CSMD1: variants seen among roughly 807,000 people sequenced by gnomAD.
The protein encoded by CSMD1 is CUB and Sushi multiple domains 1.
Under a neutral mutation model 417.5 loss-of-function variants are expected in CSMD1, and 213 were observed. The observed-to-expected ratio is 0.51, with a 90% confidence interval of 0.46 to 0.57. The LOEUF (loss-of-function observed/expected upper bound fraction) is 0.57, where lower values mean the gene tolerates loss of function less well. Among genes scored for constraint, CSMD1 ranks in the 20% least tolerant of loss-of-function variants. CSMD1 has a pLI of 0.00. For missense variants in CSMD1, 6,923 were observed against 4,529.7 expected, an observed-to-expected ratio of 1.53 and a Z score of -15.17; for synonymous variants, 2,862 against 1,736.8, an observed-to-expected ratio of 1.65 and a Z score of -16.11.
At chr8:4,954,702 A>G (rs1808973141) in intron 1 of CSMD1, among the ~76,000 whole-genome samples, 1 of 152,202 alleles carries the variant, frequency 6.6e-6, no homozygotes, top group Non-Finnish European at 1.5e-5. Flanking sequence ...GCTATCATAA[A>G]CTACATAAGC....
intron 3 of CSMD1, among the ~76,000 whole-genome samples, chr8:4,179,973 G>A (rs1308811663): frequency 2.6e-5 from 4 of 152,176 alleles, no homozygotes; most frequent in African/African-American, 7.2e-5. Context: ...CTTTTACACT[G>A]TTAGTGGGAC....
chr8:3,407,478 T>G (rs747358117), intron 14 of CSMD1, among the ~76,000 whole-genome samples: 2 of 151,608 alleles, frequency 1.3e-5, no homozygotes, highest in African/African-American at 4.9e-5. Context: ...GATGGATAGA[T>G]GCATGGATGG....
At chr8:3,876,927 G>A (rs1466561859) in intron 5 of CSMD1, among the ~76,000 whole-genome samples, 1 of 152,144 alleles carries the variant, frequency 6.6e-6, no homozygotes, top group Admixed American at 6.5e-5. Context: ...CTCATGCTTG[G>A]CTTTTTATCA....
intron 3 of CSMD1, among the ~76,000 whole-genome samples, chr8:4,233,933 A>G (rs1409628179): frequency 2.1e-5 from 3 of 143,514 alleles, no homozygotes; most frequent in African/African-American, 7.8e-5. Context: ...TGCCTTAATG[A>G]GGTGAGACTA....
At chr8:3,519,346 A>G (rs1008322976) in intron 10 of CSMD1, among the ~76,000 whole-genome samples, 1 of 152,232 alleles carries the variant, frequency 6.6e-6, no homozygotes, top group Non-Finnish European at 1.5e-5. Flanking sequence ...ATTTATCTGC[A>G]GAAAAAGAAG....
chr8:4,027,368 C>G (rs1335106181), intron 4 of CSMD1, among the ~76,000 whole-genome samples: 2 of 152,118 alleles, frequency 1.3e-5, no homozygotes, highest in Non-Finnish European at 2.9e-5. Context: ...GAATTGTAAC[C>G]TAAATTCTAA....
intron 2 of CSMD1, among the ~76,000 whole-genome samples, chr8:4,425,133 A>G (rs1259500530): frequency 2.6e-5 from 4 of 152,104 alleles, no homozygotes; most frequent in East Asian, 1.9e-4. Flanking sequence ...GCACTTAATT[A>G]AATACAATTT....
chr8:4,333,789 C>T (rs1343748060), intron 3 of CSMD1, among the ~76,000 whole-genome samples: 1 of 152,126 alleles, frequency 6.6e-6, no homozygotes, highest in Non-Finnish European at 1.5e-5. Flanking sequence ...GGGTCTGCCC[C>T]TGGAAACACA....
rs1279522455 is a variant in CSMD1, at chr8:3,910,922, T to G, written c.818+86981A>C. On this transcript the variant is annotated intron_variant, in intron 5 of 69. Coordinates refer to ENST00000635120, the MANE Select transcript of CSMD1 (RefSeq NM_033225.6). ...TTCCTACACAGTATCTACACAGAACTGTTATTAGCTTGATTGATCACGACC... is the reference window on the plus strand; with the variant it reads ...TTCCTACACAGTATCTACACAGAACGGTTATTAGCTTGATTGATCACGACC... Among the ~76,000 whole-genome samples, 3 of 152,328 alleles carry G rather than the reference T, an allele frequency of 2.0e-5. No homozygotes were observed. The East Asian group carries it at 5.8e-4, about 29-fold the overall frequency.
At chr8:3,769,651 G>A (rs1412708223) in intron 5 of CSMD1, among the ~76,000 whole-genome samples, 1 of 152,074 alleles carries the variant, frequency 6.6e-6, no homozygotes, top group Admixed American at 6.5e-5. Context: ...TTAAGAGAAT[G>A]TTATAGCTCT....
intron 3 of CSMD1, among the ~76,000 whole-genome samples, chr8:4,264,201 C>G (rs1190965992): frequency 1.3e-5 from 2 of 152,106 alleles, no homozygotes; most frequent in African/African-American, 2.4e-5. Flanking sequence ...TGATGATTAC[C>G]AACGTGACTA....
At chr8:3,846,802 T>C (rs1214782172) in intron 5 of CSMD1, among the ~76,000 whole-genome samples, 3 of 152,080 alleles carry the variant, frequency 2.0e-5, no homozygotes, top group Non-Finnish European at 4.4e-5. Flanking sequence ...GCCTCCCAAG[T>C]AGCTGGGATT....
chr8:4,918,323 T>G (rs949769707), intron 1 of CSMD1, among the ~76,000 whole-genome samples: 1 of 152,208 alleles, frequency 6.6e-6, no homozygotes, highest in Non-Finnish European at 1.5e-5. Context: ...CAAAGTGTAT[T>G]GCCTTCTCTC....
intron 47 of CSMD1, among the ~76,000 whole-genome samples, chr8:3,093,263 G>A (rs1038694670): frequency 6.6e-6 from 1 of 152,152 alleles, no homozygotes; most frequent in Non-Finnish European, 1.5e-5. Flanking sequence ...ACACAGGCAC[G>A]CCCTGAGTGG....
intron 1 of CSMD1, among the ~76,000 whole-genome samples, chr8:4,664,751 G>C (rs1804810917): frequency 6.6e-6 from 1 of 151,762 alleles, no homozygotes; most frequent in Non-Finnish European, 1.5e-5. Context: ...ATCTTATAGA[G>C]ACAATCAAAT....
intron 1 of CSMD1, among the ~76,000 whole-genome samples, chr8:4,767,959 C>T (rs1024167948): frequency 1.3e-5 from 2 of 152,082 alleles, no homozygotes; most frequent in Admixed American, 1.3e-4. Flanking sequence ...TACTCGAGGG[C>T]GTGGGTCAAT....
At chr8:4,308,350 G>A (rs1237476406) in intron 3 of CSMD1, among the ~76,000 whole-genome samples, 1 of 152,006 alleles carries the variant, frequency 6.6e-6, no homozygotes, top group Non-Finnish European at 1.5e-5. Flanking sequence ...TGTGGTGCGT[G>A]TGCACTGTGT....
intron 5 of CSMD1, among the ~76,000 whole-genome samples, chr8:3,919,173 C>T (rs112855674): frequency 0.017 from 1,649 of 98,126 alleles, 25 homozygotes; most frequent in African/African-American, 0.055. Context: ...CTGTACTTTT[C>T]GTGTCATATC....
intron 26 of CSMD1, among the ~76,000 whole-genome samples, chr8:3,247,535 T>C (rs1220032935): frequency 6.6e-6 from 1 of 152,210 alleles, no homozygotes; most frequent in African/African-American, 2.4e-5. Context: ...CTCAGGTCCA[T>C]CTGGGCCAGG....
Sources: gnomAD v4.1 joint callset for allele counts (sites outside exome capture counted in the v4.1 genomes callset) on GRCh38, gnomAD v4.1.1 for gene constraint, MANE v1.5 for transcripts, NCBI Gene and HGNC (gene_info 2026-07-23, HGNC 2026-07-21) for gene names.